ZNF280D: variants seen among roughly 807,000 people sequenced by gnomAD.
ZNF280D encodes the protein suppressor of hairy wing homolog 4.
Under a neutral mutation model 94.7 loss-of-function variants are expected in ZNF280D, and 39 were observed. The observed-to-expected ratio is 0.41, with a 90% CI of 0.32 to 0.54. ZNF280D has a LOEUF of 0.54. ZNF280D is among the 20% of genes least tolerant of loss of function. The probability of loss-of-function intolerance (pLI) is 0.22; values close to 1 mark genes in which losing one functional copy is unlikely to be tolerated. For missense variants in ZNF280D, 1,090 were observed against 1,149.3 expected (o/e 0.95, Z 0.75); for synonymous variants, 398 against 377.6 (o/e 1.05, Z -0.63).
chr15:56,640,084 G>A (rs1039025937), intron 20 of ZNF280D, among the ~76,000 whole-genome samples: 20 of 151,974 alleles, frequency 1.3e-4, no homozygotes, highest in African/African-American at 4.6e-4. Context: ...GAGTAAAAAA[G>A]ATACATATTT....
At chr15:56,646,602 GAA>G (rs1269913869) in intron 19 of ZNF280D, among the ~76,000 whole-genome samples, 1 of 152,110 alleles carries the variant, frequency 6.6e-6, no homozygotes, top group Non-Finnish European at 1.5e-5. Context: ...TTTATATGTG[GAA>G]AGGATGCCTG....
Position 56,685,682 on chromosome 15 carries a change from T to C in ZNF280D, c.781-3205A>G, listed in dbSNP as rs138139715. ...CCTCATAGAAAAGAACAGTAGAGAA[T>C]TGCTAAAGGAATAGAAGACTAGTGG... On this transcript the variant is annotated intron_variant, in intron 9 of 21. Transcript: ENST00000267807. Among the ~76,000 whole-genome samples, 248 of 152,252 alleles carry C rather than the reference T, an allele frequency of 1.6e-3. 2 individuals carry two copies. The highest frequency in any genetic ancestry group is 6.5e-3 in the East Asian group (34 of 5,192).
intron 1 of ZNF280D, among the ~76,000 whole-genome samples, chr15:56,714,479 T>C (rs766709461): frequency 2.0e-5 from 3 of 152,188 alleles, no homozygotes; most frequent in Non-Finnish European, 2.9e-5. Context: ...TTTAAAAGAC[T>C]ATATATTTGA....
At chr15:56,704,506 C>G (rs531848) in intron 3 of ZNF280D, among the ~76,000 whole-genome samples, 2,145 of 152,142 alleles carry the variant, frequency 0.014, 47 homozygotes, top group African/African-American at 0.049. Flanking sequence ...TTACCGTAGA[C>G]AGAAAATTTG....
intron 6 of ZNF280D, among the ~76,000 whole-genome samples, chr15:56,697,437 G>A (rs538322809): frequency 1.4e-4 from 22 of 152,040 alleles, no homozygotes; most frequent in Non-Finnish European, 2.5e-4. Flanking sequence ...CACTCGCCTC[G>A]GCCTCCCAAA....
chr15:56,675,736 TTAAC>T (rs2055188954), intron 13 of ZNF280D, among the ~76,000 whole-genome samples: 2 of 152,030 alleles, frequency 1.3e-5, no homozygotes, highest in Admixed American at 1.3e-4. Context: ...ATTTCATGAC[TTAAC>T]TAACAACTGA....
At chr15:56,704,024 G>A (rs182233442) in intron 4 of ZNF280D, 97 bp downstream of exon 4, 3 of 1,327,714 alleles carry the variant, frequency 2.3e-6, no homozygotes, top group East Asian at 4.9e-5. Flanking sequence ...TCTTTACAGT[G>A]GAACATGAAC....
At chr15:56,721,949 C>A (rs1457576088) in intron 1 of ZNF280D, among the ~76,000 whole-genome samples, 1 of 152,194 alleles carries the variant, frequency 6.6e-6, no homozygotes, top group Non-Finnish European at 1.5e-5. Flanking sequence ...CCTCACTAAG[C>A]TTAATAATTT....
chr15:56,724,293 T>C (rs552072262), intron 1 of ZNF280D, among the ~76,000 whole-genome samples: 32 of 152,308 alleles, frequency 2.1e-4, no homozygotes, highest in South Asian at 1.5e-3. Context: ...AAAATAATGC[T>C]TTCATTCTGT....
At chr15:56,720,891 C>G (rs1249262429) in intron 1 of ZNF280D, among the ~76,000 whole-genome samples, 2 of 145,664 alleles carry the variant, frequency 1.4e-5, no homozygotes, top group Non-Finnish European at 3.0e-5. Flanking sequence ...ACATCTGGTT[C>G]AGTAAACCAG....
intron 21 of ZNF280D, among the ~76,000 whole-genome samples, 195 bp from the exon 22 acceptor site, chr15:56,632,317 G>A (rs1019917292): frequency 2.6e-5 from 4 of 152,010 alleles, no homozygotes; most frequent in Non-Finnish European, 5.9e-5. Flanking sequence ...AAGATTCTGA[G>A]AAACTCTGGA....
rs1048156862 is a variant in ZNF280D, at chr15:56,630,706, T to C, written c.*792A>G. 2.0e-5 allele frequency: 3 copies of C among 152,134 alleles called. No homozygotes were observed. Among genetic ancestry groups the C allele is most frequent in the Non-Finnish European group, 4.4e-5 (3 of 67,998 alleles). 9.4% of individuals were successfully genotyped at this position (152,134 alleles called of 1,614,324 possible). ...ATAATAGCTACAGGAGTTTCAACAA[T>C]GGGTTTCTACTTTACATTAATACAA... On this transcript the variant is annotated 3_prime_UTR_variant, in exon 22 of 22. Coordinates refer to ENST00000267807, the MANE Select transcript of ZNF280D (RefSeq NM_017661.4).
At position 56,630,229 on chromosome 15, in the gene ZNF280D, A is replaced by G. The variant is rs1211945560; in HGVS notation, c.*1269T>C. ...TATTTACTCAAAAACTACTATATAC[A>G]GCAGAGTATTTTAATCGCCATTTAA... On this transcript the variant is annotated 3_prime_UTR_variant, in exon 22 of 22. Transcript: ENST00000267807. 4 of 152,180 alleles carry G rather than the reference A, an allele frequency of 2.6e-5. No homozygotes were observed. The highest frequency in any genetic ancestry group is 7.2e-5 in the African/African-American group (3 of 41,468). 9.4% of individuals were successfully genotyped at this position (152,180 alleles called of 1,614,324 possible).
At chr15:56,704,500 C>T (rs1032355676) in intron 3 of ZNF280D, among the ~76,000 whole-genome samples, 1 of 151,804 alleles carries the variant, frequency 6.6e-6, no homozygotes, top group Non-Finnish European at 1.5e-5. Flanking sequence ...AGTTATTTAC[C>T]GTAGACAGAA....
chr15:56,659,804 T>C (rs1432183263), intron 16 of ZNF280D, among the ~76,000 whole-genome samples: 4 of 151,348 alleles, frequency 2.6e-5, no homozygotes, highest in Admixed American at 2.0e-4. Flanking sequence ...ACACACACGC[T>C]AAAGTTTAAG....
chr15:56,706,757 T>C (rs543201069), intron 3 of ZNF280D, among the ~76,000 whole-genome samples: 1 of 152,192 alleles, frequency 6.6e-6, no homozygotes, highest in East Asian at 1.9e-4. Flanking sequence ...ACCCAGGACA[T>C]ATTTTTGAGA....
chr15:56,694,122 T>C (rs2056587960), intron 6 of ZNF280D, among the ~76,000 whole-genome samples: 1 of 152,006 alleles, frequency 6.6e-6, no homozygotes, highest in Admixed American at 6.6e-5. Flanking sequence ...AAGGAAGATC[T>C]TAAGAAGAGA....
rs2052060359 is a variant in ZNF280D at position 56,631,343 on chromosome 15, T to C, written c.*155A>G. 2 of 773,798 alleles carry C rather than the reference T, an allele frequency of 2.6e-6. No individual in the cohort carries two copies. The highest frequency in any genetic ancestry group is 5.1e-5 in the East Asian group (2 of 38,982). 47.9% of individuals were successfully genotyped at this position (773,798 alleles called of 1,614,324 possible). A position where few individuals can be genotyped will look rare whatever the true frequency, so the allele number is the denominator to read the frequency against. Reference sequence around the variant, plus strand: ...ATGCTATTATTGGTGAATTGATTTGTTTGATAACATAGGTTGAACATACAG... The same window carrying C: ...ATGCTATTATTGGTGAATTGATTTGCTTGATAACATAGGTTGAACATACAG... On this transcript the variant is annotated 3_prime_UTR_variant, in exon 22 of 22. Transcript: ENST00000267807.
chr15:56,687,431 C>A (rs959249014), intron 9 of ZNF280D, among the ~76,000 whole-genome samples: 27 of 152,012 alleles, frequency 1.8e-4, no homozygotes, highest in African/African-American at 6.5e-4. Flanking sequence ...AATTTCTGTA[C>A]AAAATAGAAA....
Sources: gnomAD v4.1 joint callset for allele counts (sites outside exome capture counted in the v4.1 genomes callset) on GRCh38, gnomAD v4.1.1 for gene constraint, MANE v1.5 for transcripts, NCBI Gene and HGNC (gene_info 2026-07-23, HGNC 2026-07-21) for gene names.